Variants in CLEC9A observed in about 807,000 individuals in gnomAD.
CLEC9A encodes the protein C-type lectin domain containing 9A, also known as C-type lectin domain family 9 member A.
A neutral mutation model predicts 30.0 loss-of-function variants in CLEC9A; 24 were observed. The observed-to-expected ratio is 0.80, with a 90% confidence interval of 0.58 to 1.13. CLEC9A has a LOEUF of 1.13. CLEC9A is among the 50% of genes most tolerant of loss of function. The probability of loss-of-function intolerance (pLI) is 0.00; values close to 1 mark genes in which losing one functional copy is unlikely to be tolerated. For synonymous variants in CLEC9A, 111 were observed against 96.8 expected, an observed-to-expected ratio of 1.15 and a Z score of -0.86; for missense variants, 251 against 280.9, an observed-to-expected ratio of 0.89 and a Z score of 0.76.
intron 5 of CLEC9A, 84 bp from the exon 6 acceptor site, chr12:10,061,043 T>G (rs528334790): frequency 1.4e-6 from 2 of 1,437,674 alleles, no homozygotes; most frequent in African/African-American, 1.5e-5. Flanking sequence ...AATAGTAATT[T>G]GTACTTGTCT....
chr12:10,065,810 T>G lies in CLEC9A; in HGVS notation c.*178T>G, dbSNP rs902611962. ...TTCTTCCACACCGTCCAGATTTCAT[T>G]TGATGTTGTTCACATTGCAAGAGTA... On this transcript the variant is annotated 3_prime_UTR_variant, in exon 9 of 9. Coordinates refer to ENST00000355819, the MANE Select transcript of CLEC9A (RefSeq NM_207345.4). The G allele has an allele frequency of 1.7e-5, 10 of 599,506 alleles. No homozygotes were observed. The highest frequency in any genetic ancestry group is 2.5e-5 in the Non-Finnish European group (9 of 353,252). 37.1% of individuals were successfully genotyped at this position (599,506 alleles called of 1,614,324 possible).
chr12:10,056,665 G>C (rs1865946669), intron 5 of CLEC9A, among the ~76,000 whole-genome samples: 1 of 152,152 alleles, frequency 6.6e-6, no homozygotes, highest in Admixed American at 6.5e-5. Context: ...GAGATAAATA[G>C]TGACGATGAG....
chr12:10,061,095 A>G, intron 5 of CLEC9A, 32 bp from the exon 6 acceptor site: 1 of 1,599,960 alleles, frequency 6.3e-7, no homozygotes, highest in South Asian at 1.1e-5. Flanking sequence ...AAATGTCAGG[A>G]TTTTATTAGG....
At position 10,042,791 on chromosome 12, in the gene CLEC9A, A is replaced by C. The variant is rs575193890; in HGVS notation, c.-163+1171A>C. 2.0e-5 allele frequency among the ~76,000 whole-genome samples: 3 copies of C among 152,360 alleles called. No homozygotes were observed. The East Asian group carries it at 5.8e-4, about 29-fold the overall frequency. ...TTAATACTTCTATAGGGAACATTTT[A>C]TAGGCAAGCTAAGCAATAAAACCAA... On this transcript the variant is annotated intron_variant, in intron 2 of 8. Coordinates refer to ENST00000355819, the MANE Select transcript of CLEC9A (RefSeq NM_207345.4).
intron 2 of CLEC9A, 146 bp downstream of exon 2, chr12:10,041,766 CAG>C: frequency 2.3e-6 from 1 of 436,108 alleles, no homozygotes; most frequent in Non-Finnish European, 4.5e-6. Context: ...GTAAGAATTA[CAG>C]AACCCAAATA....
At chr12:10,063,306 T>C (rs1866013697) in intron 7 of CLEC9A, 100 bp downstream of exon 7, 1 of 1,092,378 alleles carries the variant, frequency 9.2e-7, no homozygotes, top group Non-Finnish European at 1.2e-6. Context: ...TAATATTCTA[T>C]AACAGCAGTA....
chr12:10,065,425 C>T, intron 8 of CLEC9A, 75 bp from the exon 9 acceptor site: 1 of 1,561,110 alleles, frequency 6.4e-7, no homozygotes, highest in South Asian at 1.2e-5. Context: ...AGCTACACAC[C>T]TCTCATTAGT....
At chr12:10,056,081 AAAAG>A (rs1865940864) in intron 5 of CLEC9A, among the ~76,000 whole-genome samples, 1 of 150,918 alleles carries the variant, frequency 6.6e-6, no homozygotes, top group African/African-American at 2.4e-5. Context: ...AAAAAAAAAA[AAAAG>A]ATACACTCTA....
intron 2 of CLEC9A, among the ~76,000 whole-genome samples, chr12:10,045,015 T>C (rs567618098): frequency 1.3e-5 from 2 of 152,328 alleles, no homozygotes; most frequent in Non-Finnish European, 2.9e-5. Flanking sequence ...TCCTGTAACA[T>C]AAATCCTCAG....
chr12:10,064,905 C>G (rs774691599), intron 8 of CLEC9A, 52 bp downstream of exon 8: 1 of 1,583,928 alleles, frequency 6.3e-7, no homozygotes, highest in East Asian at 2.3e-5. Flanking sequence ...TGAGGGAATT[C>G]AAAAGTTTAT....
chr12:10,065,603 G>A lies in CLEC9A; in HGVS notation c.697G>A (p.Glu233Lys), dbSNP rs756879493. 11 of 1,613,742 alleles carry A rather than the reference G, an allele frequency of 6.8e-6. No individual in the cohort carries two copies. The highest frequency in any genetic ancestry group is 7.6e-6 in the Non-Finnish European group (9 of 1,179,820). ...CAGCACGTGGAAGTATTTTATCTGT[G>A]AGAAGTATGCGTTGAGATCCTCTGT... ...NCSTWKYFIC[E>K]KYALRSSV is the part of the protein sequence containing the mutation. The change falls in exon 9 of 9, where the codon GAG (glutamate) becomes AAG (lysine). Residue 233 changes from glutamate (E) to lysine (K), a missense_variant. Transcript: ENST00000355819.
At chr12:10,040,600 G>A (rs61918593) in intron 1 of CLEC9A, among the ~76,000 whole-genome samples, 25,101 of 151,354 alleles carry the variant, frequency 0.17, 2,439 homozygotes, top group South Asian at 0.39. Flanking sequence ...ACAGGCGCCC[G>A]CCACCACACC....
intron 6 of CLEC9A, 23 bp from the exon 7 acceptor site, chr12:10,063,032 A>G (rs1341579805): frequency 3.2e-6 from 5 of 1,569,300 alleles, no homozygotes; most frequent in Non-Finnish European, 4.3e-6. Context: ...TAAGATACTA[A>G]AGTAAAATGT....
chr12:10,051,191 G>A (rs1294162876), intron 2 of CLEC9A, among the ~76,000 whole-genome samples: 1 of 150,256 alleles, frequency 6.7e-6, no homozygotes, highest in African/African-American at 2.5e-5. Context: ...GGCGACAAGA[G>A]TGAAACTCTG....
intron 1 of CLEC9A, among the ~76,000 whole-genome samples, chr12:10,032,442 C>G (rs1865706975): frequency 1.5e-5 from 2 of 134,372 alleles, no homozygotes; most frequent in Admixed American, 1.7e-4. Flanking sequence ...CCAGGCTGGA[C>G]TGCAGTGGCG....
rs1565586240 is a variant in CLEC9A, at chr12:10,030,920, C to CTA, written c.-370_-369insTA. On this transcript the variant is annotated 5_prime_UTR_variant, in exon 1 of 9. The change creates a premature stop within an existing upstream ORF in the 5' untranslated region. Transcript: ENST00000355819. Reference sequence around the variant, plus strand: ...TGATCCACACAATGGTAAAGATTCCCATGTTAGCCAAGATCTAAATGATTC... The same window carrying CTA: ...TGATCCACACAATGGTAAAGATTCCCTAATGTTAGCCAAGATCTAAATGATTC... 1 of 152,100 alleles carries CTA rather than the reference C, an allele frequency of 6.6e-6. No individual in the cohort carries two copies. The highest frequency in any genetic ancestry group is 2.4e-5 in the African/African-American group (1 of 41,388). 9.4% of individuals were successfully genotyped at this position (152,100 alleles called of 1,614,324 possible).
chr12:10,031,955 G>T (rs1865700899), intron 1 of CLEC9A, among the ~76,000 whole-genome samples: 1 of 151,644 alleles, frequency 6.6e-6, no homozygotes, highest in Admixed American at 6.6e-5. Context: ...GGAAAGGAAT[G>T]CAGACAAGGC....
At chr12:10,041,770 A>G (rs1397918904) in intron 2 of CLEC9A, 150 bp downstream of exon 2, 1 of 433,798 alleles carries the variant, frequency 2.3e-6, no homozygotes, top group Non-Finnish European at 4.6e-6. Flanking sequence ...GAATTACAGA[A>G]CCCAAATATT....
At position 10,053,840 on chromosome 12, in the gene CLEC9A, G is replaced by A. The variant is rs76178298; in HGVS notation, c.92-431G>A. 7.6e-3 allele frequency among the ~76,000 whole-genome samples: 1,154 copies of A among 151,920 alleles called. 6 individuals are homozygous for A. Among genetic ancestry groups the A allele is most frequent in the Non-Finnish European group, 0.012 (819 of 67,976 alleles). On this transcript the variant is annotated intron_variant, in intron 4 of 8. Transcript: ENST00000355819. ...ATTTAAAAGTATATATTTAAAATGTGTATCTTTCTTTTCTTTAATCATGTT... is the reference window on the plus strand; with the variant it reads ...ATTTAAAAGTATATATTTAAAATGTATATCTTTCTTTTCTTTAATCATGTT...
Sources: gnomAD v4.1 joint callset for allele counts (sites outside exome capture counted in the v4.1 genomes callset) on GRCh38, gnomAD v4.1.1 for gene constraint, MANE v1.5 for transcripts, NCBI Gene and HGNC (gene_info 2026-07-23, HGNC 2026-07-21) for gene names.